Variants in GRIP1 observed in about 807,000 individuals in gnomAD.
GRIP1 encodes glutamate receptor interacting protein 1.
Under a neutral mutation model 129.9 loss-of-function variants are expected in GRIP1, and 45 were observed. That is an observed-to-expected ratio of 0.35 (90% confidence interval 0.27 to 0.44). The LOEUF is 0.44. Ranked by LOEUF, GRIP1 falls within the 20% of genes least tolerant of loss-of-function variation. The pLI is 1.00. For synonymous variants in GRIP1, 530 were observed against 520.8 expected, an observed-to-expected ratio of 1.02 and a Z score of -0.24; for missense variants, 1,196 against 1,396.8, an observed-to-expected ratio of 0.86 and a Z score of 2.29.
At chr12:66,954,610 G>T (rs762462457) in intron 1 of GRIP1, among the ~76,000 whole-genome samples, 13 of 152,144 alleles carry the variant, frequency 8.5e-5, no homozygotes, top group Non-Finnish European at 1.6e-4. Context: ...AGTGCCTAAA[G>T]AATAATTTGT....
chr12:66,882,461 C>A (rs1488842108), intron 1 of GRIP1, among the ~76,000 whole-genome samples: 1 of 152,110 alleles, frequency 6.6e-6, no homozygotes, highest in Non-Finnish European at 1.5e-5. Flanking sequence ...CCGAGCTGAA[C>A]CGAAGCCAAT....
chr12:66,579,766 C>T, intron 2 of GRIP1, among the ~76,000 whole-genome samples: 1 of 151,548 alleles, frequency 6.6e-6, no homozygotes. Context: ...GTGAAAAGAC[C>T]AAATCTACAT....
rs1468776161 is a variant in GRIP1, at chr12:66,353,569, G to A, written c.3013-6C>T. ...GAGTCCTTGTACAAGGTCACCTGAA[G>A]AGAGAAAATGGGATGTGAATATTTA... On this transcript the variant is annotated splice_region_variant and splice_polypyrimidine_tract_variant and intron_variant, in intron 23 of 24. Transcript: ENST00000359742. The A allele has an allele frequency of 6.2e-7, 1 of 1,613,554 alleles. No individual in the cohort carries two copies. The highest frequency in any genetic ancestry group is 2.2e-5 in the East Asian group (1 of 44,880).
chr12:66,782,349 CA>C (rs1333647345), intron 1 of GRIP1, among the ~76,000 whole-genome samples: 1 of 152,124 alleles, frequency 6.6e-6, no homozygotes, highest in African/African-American at 2.4e-5. Flanking sequence ...AGTGTTCACA[CA>C]GTAGCAAGTG....
Position 66,547,871 on chromosome 12 carries a change from G to T in GRIP1, c.137-5921C>A, listed in dbSNP as rs187544280. 1.2e-3 allele frequency among the ~76,000 whole-genome samples: 187 copies of T among 152,278 alleles called. 1 individual carries two copies. The highest frequency in any genetic ancestry group is 4.2e-3 in the African/African-American group (173 of 41,556). ...CCATCCATGTCAATATCCTGGTTGTGATATTACATATAGTTCTGTAGATAT... is the reference window on the plus strand; with the variant it reads ...CCATCCATGTCAATATCCTGGTTGTTATATTACATATAGTTCTGTAGATAT... On this transcript the variant is annotated intron_variant, in intron 2 of 24. Coordinates refer to ENST00000359742, the MANE Select transcript of GRIP1 (RefSeq NM_001366722.1).
intron 1 of GRIP1, among the ~76,000 whole-genome samples, chr12:67,027,897 G>T (rs2042963206): frequency 1.3e-5 from 2 of 152,178 alleles, no homozygotes; most frequent in Non-Finnish European, 2.9e-5. Context: ...CACATGACCA[G>T]ATATGCCTCT....
chr12:66,639,499 A>C (rs1481971926), intron 1 of GRIP1, among the ~76,000 whole-genome samples: 4 of 152,152 alleles, frequency 2.6e-5, no homozygotes, highest in African/African-American at 9.7e-5. Flanking sequence ...AAGTGGGAGG[A>C]GCAGAGATCA....
chr12:67,036,971 T>C (rs1422383476), intron 1 of GRIP1, among the ~76,000 whole-genome samples: 2 of 152,028 alleles, frequency 1.3e-5, no homozygotes, highest in African/African-American at 2.4e-5. Context: ...CTCCGACAAG[T>C]GTGTAAGTAT....
At chr12:66,497,783 C>T (rs1189296819) in intron 7 of GRIP1, among the ~76,000 whole-genome samples, 1 of 152,092 alleles carries the variant, frequency 6.6e-6, no homozygotes, top group East Asian at 1.9e-4. Flanking sequence ...GTACGTCAGG[C>T]CTCTGAGCCC....
At chr12:67,015,820 A>C (rs2042777867) in intron 1 of GRIP1, among the ~76,000 whole-genome samples, 1 of 152,190 alleles carries the variant, frequency 6.6e-6, no homozygotes, top group Non-Finnish European at 1.5e-5. Flanking sequence ...AAAACTGAGC[A>C]GTTGGCATGA....
chr12:66,866,636 T>G (rs2040209860), intron 1 of GRIP1, among the ~76,000 whole-genome samples: 2 of 152,170 alleles, frequency 1.3e-5, no homozygotes, highest in South Asian at 4.1e-4. Context: ...TGTTGGTAAC[T>G]CAAAGGATAA....
chr12:66,941,125 A>C lies in GRIP1; in HGVS notation c.58+127925T>G, dbSNP rs7967806. Among the ~76,000 whole-genome samples the C allele has an allele frequency of 6.3e-3, 959 of 152,226 alleles. 9 individuals are homozygous for C. The highest frequency in any genetic ancestry group is 0.022 in the African/African-American group (919 of 41,562). ...ATAGTAAAAGCAAGTAGGCCTTAACAACACGTTCAATGAGACTGTATATTA... is the reference window on the plus strand; with the variant it reads ...ATAGTAAAAGCAAGTAGGCCTTAACCACACGTTCAATGAGACTGTATATTA... On this transcript the variant is annotated intron_variant, in intron 1 of 1. Coordinates refer to the GRIP1 transcript ENST00000643019.
intron 1 of GRIP1, among the ~76,000 whole-genome samples, chr12:67,026,419 T>C (rs1388209400): frequency 2.0e-5 from 3 of 152,158 alleles, no homozygotes; most frequent in African/African-American, 7.2e-5. Flanking sequence ...TTCTATTCAC[T>C]CCCCTACAAA....
chr12:66,520,593 TA>T (rs1390250078), intron 5 of GRIP1, among the ~76,000 whole-genome samples: 1 of 152,220 alleles, frequency 6.6e-6, no homozygotes, highest in Non-Finnish European at 1.5e-5. Flanking sequence ...TACCAGGCAG[TA>T]TTCTAAGCTC....
chr12:66,596,766 A>C, intron 2 of GRIP1, 81 bp downstream of exon 2: 1 of 800,284 alleles, frequency 1.2e-6, no homozygotes, highest in Middle Eastern at 2.2e-4. Flanking sequence ...TATTATTTTT[A>C]CCAAGTTGGA....
chr12:67,032,728 T>C (rs911814801), intron 1 of GRIP1, among the ~76,000 whole-genome samples: 3 of 152,158 alleles, frequency 2.0e-5, no homozygotes, highest in African/African-American at 4.8e-5. Flanking sequence ...GTGCAAGATG[T>C]TGGGGAGTTG....
chr12:66,409,437 T>C (rs946937998), intron 15 of GRIP1, among the ~76,000 whole-genome samples: 4 of 152,216 alleles, frequency 2.6e-5, no homozygotes, highest in East Asian at 1.9e-4. Flanking sequence ...GGCAGTATTT[T>C]TGAGTCTGCA....
chr12:66,769,637 C>T (rs2037755585), intron 1 of GRIP1, among the ~76,000 whole-genome samples: 1 of 152,002 alleles, frequency 6.6e-6, no homozygotes. Context: ...GTATCCTGAG[C>T]ACACACACTT....
chr12:66,658,361 CG>C (rs2033293410), intron 1 of GRIP1, among the ~76,000 whole-genome samples: 1 of 152,086 alleles, frequency 6.6e-6, no homozygotes, highest in Non-Finnish European at 1.5e-5. Flanking sequence ...AAGTAAAGTA[CG>C]GTAGTAATTA....
Sources: gnomAD v4.1 joint callset for allele counts (sites outside exome capture counted in the v4.1 genomes callset) on GRCh38, gnomAD v4.1.1 for gene constraint, MANE v1.5 for transcripts, NCBI Gene and HGNC (gene_info 2026-07-23, HGNC 2026-07-21) for gene names.